Variants in RASGRF2 observed in about 807,000 individuals in gnomAD.
The protein encoded by RASGRF2 is ras-specific guanine nucleotide-releasing factor 2.
RASGRF2 carries 76 observed loss-of-function variants against 151.0 expected under a neutral mutation model. The observed-to-expected ratio is 0.50, with a 90% CI of 0.42 to 0.61. The LOEUF (loss-of-function observed/expected upper bound fraction) is 0.61. RASGRF2 is among the 20% of genes least tolerant of loss of function. The pLI, the probability that RASGRF2 is intolerant of heterozygous loss-of-function variation, is 0.00. For synonymous variants in RASGRF2, 504 were observed against 566.5 expected (o/e 0.89, Z 1.57); for missense variants, 1,148 against 1,564.6 (o/e 0.73, Z 4.49).
At position 81,229,919 on chromosome 5, in the gene RASGRF2, C is replaced by A. The variant is rs1397445931; in HGVS notation, c.*4149C>A. On this transcript the variant is annotated 3_prime_UTR_variant, in exon 27 of 27. Transcript: ENST00000265080. ...AAGTGCTGTCCGCACATGAGGTCAT[C>A]TGATTACTGTCCTCAGATCTCTTTT... 2 of 152,386 alleles carry A rather than the reference C, an allele frequency of 1.3e-5. No individual in the cohort carries two copies. The highest frequency in any genetic ancestry group is 1.5e-5 in the Non-Finnish European group (1 of 68,048). The allele number at this position is 152,386 out of a possible 1,614,324, so 9.4% of individuals were successfully genotyped here. A position where few individuals can be genotyped will look rare whatever the true frequency, so the allele number is the denominator to read the frequency against.
At chr5:80,984,881 A>C (rs1010024215) in intron 1 of RASGRF2, among the ~76,000 whole-genome samples, 16 of 152,244 alleles carry the variant, frequency 1.1e-4, no homozygotes, top group African/African-American at 3.9e-4. Context: ...GAGGATCAAT[A>C]TTTTAAAGAT....
chr5:81,102,165 A>T (rs986760778), intron 12 of RASGRF2, among the ~76,000 whole-genome samples: 2 of 152,220 alleles, frequency 1.3e-5, no homozygotes, highest in African/African-American at 4.8e-5. Context: ...AGACTTACAG[A>T]CTTGGGAATG....
At chr5:81,075,337 C>A (rs1561594558) in intron 5 of RASGRF2, among the ~76,000 whole-genome samples, 1 of 152,086 alleles carries the variant, frequency 6.6e-6, no homozygotes, top group Non-Finnish European at 1.5e-5. Context: ...GTGCAATGGG[C>A]AGCACAGCAG....
intron 8 of RASGRF2, 134 bp from the exon 9 acceptor site, chr5:81,086,701 C>T (rs1752237021): frequency 2.9e-6 from 2 of 685,198 alleles, no homozygotes; most frequent in African/African-American, 1.8e-5. Flanking sequence ...AAAGATCCAG[C>T]CTATTTCCCC....
At chr5:80,994,954 C>A (rs1394070783) in intron 1 of RASGRF2, among the ~76,000 whole-genome samples, 1 of 151,970 alleles carries the variant, frequency 6.6e-6, no homozygotes, top group Non-Finnish European at 1.5e-5. Context: ...ATATTTTTTT[C>A]ACCTCCAAAA....
chr5:81,158,984 A>G (rs903876391), intron 17 of RASGRF2, among the ~76,000 whole-genome samples: 2 of 152,200 alleles, frequency 1.3e-5, no homozygotes, highest in Non-Finnish European at 2.9e-5. Context: ...ACAAAAACCT[A>G]TACATGAATG....
chr5:81,101,520 C>T (rs1752696952), intron 12 of RASGRF2, among the ~76,000 whole-genome samples: 1 of 151,768 alleles, frequency 6.6e-6, no homozygotes, highest in Non-Finnish European at 1.5e-5. Flanking sequence ...CTGGGGATGT[C>T]CCTAAAGTCT....
At chr5:80,966,482 TA>T (rs1747728386) in intron 1 of RASGRF2, among the ~76,000 whole-genome samples, 1 of 152,238 alleles carries the variant, frequency 6.6e-6, no homozygotes, top group African/African-American at 2.4e-5. Context: ...GCCTTTATTC[TA>T]AAATCTAACC....
chr5:80,984,246 G>T (rs549748567), intron 1 of RASGRF2, among the ~76,000 whole-genome samples: 4 of 152,284 alleles, frequency 2.6e-5, no homozygotes, highest in Admixed American at 6.5e-5. Flanking sequence ...TAGAGATGGG[G>T]TTTTGCCATG....
At chr5:81,009,905 T>A (rs931384638) in intron 1 of RASGRF2, among the ~76,000 whole-genome samples, 2 of 152,188 alleles carry the variant, frequency 1.3e-5, no homozygotes, top group East Asian at 3.9e-4. Context: ...ACACCTGTAA[T>A]CCCAGCACTT....
At position 81,195,474 on chromosome 5, in the gene RASGRF2, AT is replaced by A. The variant is rs911419506; in HGVS notation, c.2794-5854del. On this transcript the variant is annotated intron_variant, in intron 18 of 26. Coordinates refer to ENST00000265080, the MANE Select transcript of RASGRF2 (RefSeq NM_006909.3). ...TTCAACAGGGACTTTTGAATGACCA[AT>A]TCTGTATTTTACATGCATTTGTAAA... is the stretch of plus-strand genomic sequence containing the variant. 5.1e-4 allele frequency among the ~76,000 whole-genome samples: 77 copies of A among 152,296 alleles called. 1 individual carries two copies. The highest frequency in any genetic ancestry group is 3.4e-3 in the Middle Eastern group (1 of 294).
At chr5:81,168,360 G>C (rs1754564578) in intron 17 of RASGRF2, among the ~76,000 whole-genome samples, 1 of 125,106 alleles carries the variant, frequency 8.0e-6, no homozygotes, top group South Asian at 2.6e-4. Context: ...GCCCAAGTTA[G>C]AGTGCAGTGG....
chr5:81,219,618 G>T, intron 25 of RASGRF2, 92 bp from the exon 26 acceptor site: 1 of 1,059,178 alleles, frequency 9.4e-7, no homozygotes. Flanking sequence ...TGACCCTTCT[G>T]GGAAGAGGCC....
chr5:81,166,872 C>A (rs16878496), intron 17 of RASGRF2, among the ~76,000 whole-genome samples: 18,581 of 152,166 alleles, frequency 0.12, 1,259 homozygotes, highest in South Asian at 0.22. Context: ...TTAAAAATTC[C>A]CAGTCCCTTC....
At chr5:81,144,032 T>C (rs1753947560) in intron 17 of RASGRF2, among the ~76,000 whole-genome samples, 1 of 152,202 alleles carries the variant, frequency 6.6e-6, no homozygotes, top group Non-Finnish European at 1.5e-5. Flanking sequence ...GCAGGAAAGT[T>C]AGAAATAGTA....
chr5:81,227,780 C>T lies in RASGRF2; in HGVS notation c.*2010C>T, dbSNP rs1053930543. The T allele has an allele frequency of 1.3e-5, 2 of 152,196 alleles. No homozygotes were observed. Among genetic ancestry groups the T allele is most frequent in the Non-Finnish European group, 2.9e-5 (2 of 68,062 alleles). 9.4% of individuals were successfully genotyped at this position (152,196 alleles called of 1,614,324 possible). A position where few individuals can be genotyped will look rare whatever the true frequency, so the allele number is the denominator to read the frequency against. ...CATACTAGTTTCGGGCCAAACAACA[C>T]GTGGAAAGGTGCATGCATTCTACTC... is the stretch of plus-strand genomic sequence containing the variant. On this transcript the variant is annotated 3_prime_UTR_variant, in exon 27 of 27. Coordinates refer to ENST00000265080, the MANE Select transcript of RASGRF2 (RefSeq NM_006909.3).
At chr5:81,039,474 C>T (rs1252769118) in intron 1 of RASGRF2, among the ~76,000 whole-genome samples, 1 of 151,834 alleles carries the variant, frequency 6.6e-6, no homozygotes, top group African/African-American at 2.4e-5. Flanking sequence ...TTGTCCACAC[C>T]CAATAATCTA....
At chr5:81,140,411 AACACAC>A (rs138439687) in intron 17 of RASGRF2, among the ~76,000 whole-genome samples, 10 of 148,522 alleles carry the variant, frequency 6.7e-5, no homozygotes, top group Admixed American at 2.0e-4. Flanking sequence ...CCTATTTTTA[AACACAC>A]ACACACACAC....
chr5:80,962,758 T>G (rs553963034), intron 1 of RASGRF2, among the ~76,000 whole-genome samples: 1 of 152,346 alleles, frequency 6.6e-6, no homozygotes, highest in East Asian at 1.9e-4. Flanking sequence ...TTTCTTGCAC[T>G]TTAATAAGGA....
Sources: allele counts gnomAD v4.1 joint callset (sites outside exome capture counted in the v4.1 genomes callset), GRCh38; gene constraint gnomAD v4.1.1; transcripts MANE v1.5; gene names NCBI Gene and HGNC (gene_info 2026-07-23, HGNC 2026-07-21).